MCPH1: variants seen among roughly 807,000 people sequenced by gnomAD.
MCPH1 encodes microcephalin 1, also known as microcephalin.
In MCPH1, 104 loss-of-function variants were observed where a neutral mutation model predicts 84.5. The observed-to-expected ratio is 1.23, with a 90% CI of 1.05 to 1.45. The LOEUF (loss-of-function observed/expected upper bound fraction) is 1.45. Ranked by LOEUF, MCPH1 falls within the 40% of genes most tolerant of loss-of-function variation. The pLI, the probability that MCPH1 is intolerant of heterozygous loss-of-function variation, is 0.00. For missense variants in MCPH1, 1,498 were observed against 1,005.7 expected, an observed-to-expected ratio of 1.49 and a Z score of -6.62; for synonymous variants, 514 against 366.8, an observed-to-expected ratio of 1.40 and a Z score of -4.58.
At chr8:6,512,444 T>C (rs1815350136) in intron 12 of MCPH1, among the ~76,000 whole-genome samples, 2 of 152,198 alleles carry the variant, frequency 1.3e-5, no homozygotes, top group African/African-American at 2.4e-5. Context: ...GTTTTTGTGA[T>C]GTTCGTGTTG....
chr8:6,493,607 G>C (rs1810903206), intron 11 of MCPH1, among the ~76,000 whole-genome samples: 1 of 151,790 alleles, frequency 6.6e-6, no homozygotes, highest in African/African-American at 2.4e-5. Flanking sequence ...ACTAATGTGT[G>C]GATCACCTGG....
At chr8:6,459,114 G>A (rs184574937) in intron 9 of MCPH1, among the ~76,000 whole-genome samples, 6 of 152,310 alleles carry the variant, frequency 3.9e-5, no homozygotes, top group Admixed American at 3.9e-4. Flanking sequence ...GATTGAATTG[G>A]TGAATTAAAA....
At chr8:6,422,220 C>T (rs1800307581) in intron 3 of MCPH1, among the ~76,000 whole-genome samples, 1 of 152,184 alleles carries the variant, frequency 6.6e-6, no homozygotes, top group Non-Finnish European at 1.5e-5. Flanking sequence ...GTAAGTCTAA[C>T]ATTCATCTGG....
chr8:6,409,535 G>A (rs146576018), intron 2 of MCPH1, among the ~76,000 whole-genome samples, 165 bp downstream of exon 2: 32 of 152,248 alleles, frequency 2.1e-4, no homozygotes, highest in Middle Eastern at 3.4e-3. Flanking sequence ...AGAACAGTAG[G>A]ACTTTCAGAA....
intron 12 of MCPH1, among the ~76,000 whole-genome samples, chr8:6,503,677 C>A (rs1033705053): frequency 3.6e-4 from 55 of 152,184 alleles, no homozygotes; most frequent in Admixed American, 2.5e-3. Context: ...TCCCCTTGCT[C>A]TATTAAATGA....
chr8:6,627,527 C>T (rs1048263824), intron 13 of MCPH1, among the ~76,000 whole-genome samples: 2 of 152,210 alleles, frequency 1.3e-5, no homozygotes, highest in African/African-American at 4.8e-5. Context: ...AATCTACCAG[C>T]ATATAAATGA....
chr8:6,626,652 C>G, intron 13 of MCPH1: 1 of 984,928 alleles, frequency 1.0e-6, no homozygotes, highest in Non-Finnish European at 1.2e-6. Flanking sequence ...GCATTTTCCC[C>G]CCAACACTCC....
rs369127299 is a variant in MCPH1 at position 6,621,634 on chromosome 8, C to T, written c.2395C>T (p.Pro799Ser). 1.4e-4 allele frequency: 233 copies of T among 1,614,200 alleles called. 2 individuals are homozygous for T. The highest frequency in any genetic ancestry group is 1.2e-3 in the South Asian group (113 of 91,084). ...CCGCCAGGCCAGCATCGTCATCGGG[C>T]CCTACAGCGGAAAGAAGAAAGCCAC... Reference protein sequence around the residue: ...VPRQASIVIGPYSGKKKATVK... With the variant: ...VPRQASIVIGSYSGKKKATVK... Residue 799 changes from proline to serine, a missense_variant, in exon 13 of 14, where the codon CCC becomes TCC. Coordinates refer to ENST00000344683, the MANE Select transcript of MCPH1 (RefSeq NM_024596.5).
chr8:6,445,709 G>A, intron 8 of MCPH1, 162 bp downstream of exon 8: 1 of 1,415,534 alleles, frequency 7.1e-7, no homozygotes, highest in Non-Finnish European at 9.2e-7. Flanking sequence ...AACTCTTTAG[G>A]AATAGATGAC....
At chr8:6,497,689 A>G (rs778138668) in intron 11 of MCPH1, among the ~76,000 whole-genome samples, 9 of 152,220 alleles carry the variant, frequency 5.9e-5, no homozygotes, top group Non-Finnish European at 7.3e-5. Context: ...AGTGGGAGAC[A>G]TCGAAATGCA....
chr8:6,494,385 G>T (rs1811004399), intron 11 of MCPH1: 1 of 152,146 alleles, frequency 6.6e-6, no homozygotes, highest in South Asian at 2.1e-4. Flanking sequence ...CTGATGGCCT[G>T]TGTGTTTTGA....
chr8:6,630,286 G>C (rs754582128), intron 13 of MCPH1, among the ~76,000 whole-genome samples: 1 of 152,150 alleles, frequency 6.6e-6, no homozygotes, highest in Non-Finnish European at 1.5e-5. Context: ...GGTTCCAGGA[G>C]AAATACTAAG....
chr8:6,490,112 A>C (rs1175599040), intron 11 of MCPH1, among the ~76,000 whole-genome samples: 1 of 152,002 alleles, frequency 6.6e-6, no homozygotes, highest in African/African-American at 2.4e-5. Context: ...CAGGACGTCA[A>C]CTTGGTCCAT....
rs1475345162 is a variant in MCPH1, at chr8:6,609,828, C to CCCCCCCCCCCCA, written c.2215-11625_2215-11624insCCCCCCCCCCAC. On this transcript the variant is annotated intron_variant, in intron 12 of 13. Transcript: ENST00000344683. ...CAAAGCAATGCCCCCCGCCCCCCCC[C>CCCCCCCCCCCCA]CACACACAGACTGCCAGGTAAACCA... Among the ~76,000 whole-genome samples the CCCCCCCCCCCCA allele has an allele frequency of 8.3e-5, 9 of 108,820 alleles. 1 individual carries two copies. Among genetic ancestry groups the CCCCCCCCCCCCA allele is most frequent in the Admixed American group, 2.6e-4 (3 of 11,568 alleles). 71.4% of individuals were successfully genotyped at this position (108,820 alleles called of 152,430 possible).
At position 6,444,586 on chromosome 8, in the gene MCPH1, T is replaced by C. The variant is rs1327196915; in HGVS notation, c.864T>C (p.Pro288=). ...TCACTCACCTCGATAAATCAAGTCCTCAGAAATTTCTGAGTAATCTTTCAA... is the reference window on the plus strand; with the variant it reads ...TCACTCACCTCGATAAATCAAGTCCCCAGAAATTTCTGAGTAATCTTTCAA... The part of the protein sequence containing the change: ...PSFTHLDKSS[P]QKFLSNLSKE... Residue 288 remains proline, a synonymous_variant, in exon 8 of 14, where the codon CCT becomes CCC. Transcript: ENST00000344683. 1.2e-6 allele frequency: 2 copies of C among 1,614,200 alleles called. No individual in the cohort carries two copies. The highest frequency in any genetic ancestry group is 1.7e-6 in the Non-Finnish European group (2 of 1,180,018).
intron 9 of MCPH1, among the ~76,000 whole-genome samples, chr8:6,461,782 G>T (rs1806326312): frequency 6.6e-6 from 1 of 152,134 alleles, no homozygotes; most frequent in African/African-American, 2.4e-5. Context: ...ATTTTGACCT[G>T]TTTTCTTTGT....
chr8:6,576,828 G>C (rs975063694), intron 12 of MCPH1, among the ~76,000 whole-genome samples: 2 of 151,198 alleles, frequency 1.3e-5, no homozygotes, highest in Non-Finnish European at 2.9e-5. Flanking sequence ...CTCCTAAAGT[G>C]CTGGGAGAGG....
intron 12 of MCPH1, among the ~76,000 whole-genome samples, chr8:6,535,338 A>T (rs995897981): frequency 6.6e-6 from 1 of 152,234 alleles, no homozygotes; most frequent in East Asian, 1.9e-4. Flanking sequence ...TTGAAATTAA[A>T]CTTAGGAACT....
intron 4 of MCPH1, among the ~76,000 whole-genome samples, chr8:6,433,879 C>T (rs774566260): frequency 1.3e-5 from 2 of 152,078 alleles, no homozygotes; most frequent in African/African-American, 4.8e-5. Flanking sequence ...TCCCCCCTCA[C>T]CCTGTCTGCT....
Sources: allele counts gnomAD v4.1 joint callset (sites outside exome capture counted in the v4.1 genomes callset), GRCh38; gene constraint gnomAD v4.1.1; transcripts MANE v1.5; gene names NCBI Gene and HGNC (gene_info 2026-07-23, HGNC 2026-07-21).